The following FTO variants were observed in gnomAD, a reference collection of about 807,000 sequenced individuals.
FTO encodes alpha-ketoglutarate-dependent dioxygenase FTO.
In FTO, 47 loss-of-function variants were observed where a neutral mutation model predicts 63.9. The ratio of observed to expected loss-of-function variants is 0.74; its 90% CI spans 0.58 to 0.94. The LOEUF (loss-of-function observed/expected upper bound fraction) is 0.94. FTO is among the 40% of genes least tolerant of loss of function. The pLI is 0.00. For missense variants in FTO, 562 were observed against 618.1 expected, an observed-to-expected ratio of 0.91 and a Z score of 0.96; for synonymous variants, 207 against 224.4, an observed-to-expected ratio of 0.92 and a Z score of 0.69.
intron 1 of FTO, among the ~76,000 whole-genome samples, chr16:53,749,212 G>A (rs2076721358): frequency 6.6e-6 from 1 of 152,126 alleles, no homozygotes; most frequent in Non-Finnish European, 1.5e-5. Context: ...CAGTATTTTG[G>A]TGGAATTTGT....
At chr16:53,761,458 C>T (rs1259527710) in intron 1 of FTO, among the ~76,000 whole-genome samples, 1 of 152,114 alleles carries the variant, frequency 6.6e-6, no homozygotes, top group African/African-American at 2.4e-5. Flanking sequence ...GAGCCAAGTG[C>T]ATGTTTTGAA....
At chr16:54,011,313 C>G (rs1276412383) in intron 8 of FTO, among the ~76,000 whole-genome samples, 1 of 152,108 alleles carries the variant, frequency 6.6e-6, no homozygotes, top group South Asian at 2.1e-4. Context: ...CTTTCAGTTG[C>G]AAAGCATAGC....
rs559043867 is a variant in FTO, at chr16:54,037,874, T to A, written c.1365-73888T>A. ...ATATCAACTAGGCTTGTTAGAATAG[T>A]AGTATTACGTGTAACTTTAAATTTT... On this transcript the variant is annotated intron_variant, in intron 8 of 8. Coordinates refer to ENST00000471389, the MANE Select transcript of FTO (RefSeq NM_001080432.3). 5.3e-5 allele frequency among the ~76,000 whole-genome samples: 8 copies of A among 152,344 alleles called. No homozygotes were observed. The South Asian group carries it at 1.7e-3, about 32-fold the overall frequency.
chr16:53,979,396 TC>T (rs2083493163), intron 8 of FTO: 1 of 398,590 alleles, frequency 2.5e-6, no homozygotes. Flanking sequence ...TACAGATTCA[TC>T]AAGAGAGAAT....
chr16:54,063,455 TAC>T (rs1489721787), intron 8 of FTO, among the ~76,000 whole-genome samples: 11 of 152,338 alleles, frequency 7.2e-5, no homozygotes, highest in Non-Finnish European at 1.5e-4. Flanking sequence ...CGAACAGCGC[TAC>T]GTTTTACAGT....
intron 8 of FTO, among the ~76,000 whole-genome samples, chr16:53,985,420 C>G (rs547672659): frequency 6.6e-6 from 1 of 152,150 alleles, no homozygotes; most frequent in East Asian, 1.9e-4. Flanking sequence ...TTTGTAGATT[C>G]CTCAGCCAGG....
intron 8 of FTO, among the ~76,000 whole-genome samples, chr16:54,100,053 A>G (rs555512780): frequency 2.2e-4 from 33 of 152,318 alleles, no homozygotes; most frequent in African/African-American, 7.7e-4. Context: ...AGAGTCACCT[A>G]TGAAAATGAA....
chr16:53,907,882 C>G (rs1230915380), intron 7 of FTO, among the ~76,000 whole-genome samples: 1 of 152,182 alleles, frequency 6.6e-6, no homozygotes, highest in Non-Finnish European at 1.5e-5. Flanking sequence ...AGATCAGGTC[C>G]CTGCACTATA....
At chr16:53,811,409 A>G (rs1273564689) in intron 2 of FTO, among the ~76,000 whole-genome samples, 1 of 152,158 alleles carries the variant, frequency 6.6e-6, no homozygotes, top group Non-Finnish European at 1.5e-5. Context: ...GAGAGGAAGG[A>G]AGGACTTTAC....
chr16:54,053,620 T>C (rs1368519836), intron 8 of FTO, among the ~76,000 whole-genome samples: 1 of 152,164 alleles, frequency 6.6e-6, no homozygotes, highest in Admixed American at 6.5e-5. Context: ...GGGACTTCAA[T>C]TTTGTGACAG....
chr16:53,760,347 A>G (rs2077036262), intron 1 of FTO, among the ~76,000 whole-genome samples: 1 of 151,534 alleles, frequency 6.6e-6, no homozygotes, highest in South Asian at 2.1e-4. Context: ...TCTGAGGTTC[A>G]AAATCCTCCT....
chr16:53,774,444 CT>C (rs1304327316), intron 1 of FTO, among the ~76,000 whole-genome samples: 23 of 152,256 alleles, frequency 1.5e-4, no homozygotes, highest in African/African-American at 5.1e-4. Flanking sequence ...TTAATGTAGT[CT>C]GAGGGCTCAG....
intron 8 of FTO, among the ~76,000 whole-genome samples, chr16:54,102,781 A>C (rs1284691609): frequency 6.6e-6 from 1 of 152,202 alleles, no homozygotes; most frequent in Non-Finnish European, 1.5e-5. Flanking sequence ...GCAGGATGGC[A>C]TAGACCCACA....
At chr16:53,760,343 G>A (rs961786563) in intron 1 of FTO, among the ~76,000 whole-genome samples, 8 of 151,414 alleles carry the variant, frequency 5.3e-5, no homozygotes, top group Admixed American at 1.3e-4. Flanking sequence ...GACCTCTGAG[G>A]TTCAAAATCC....
chr16:53,795,959 A>C (rs2078055609), intron 1 of FTO, among the ~76,000 whole-genome samples: 1 of 152,210 alleles, frequency 6.6e-6, no homozygotes, highest in African/African-American at 2.4e-5. Context: ...CATCCATGGA[A>C]TCTCACCAGG....
intron 7 of FTO, among the ~76,000 whole-genome samples, chr16:53,926,735 G>A (rs1456419640): frequency 6.6e-6 from 1 of 152,116 alleles, no homozygotes; most frequent in Non-Finnish European, 1.5e-5. Context: ...ATAGCCATGT[G>A]TTTTTAGGGA....
chr16:53,720,014 T>C (rs1368998818), intron 1 of FTO, among the ~76,000 whole-genome samples: 1 of 152,072 alleles, frequency 6.6e-6, no homozygotes, highest in Non-Finnish European at 1.5e-5. Flanking sequence ...CCTAAATGAA[T>C]ACCCTGAATT....
At chr16:54,079,192 T>C (rs1474170065) in intron 8 of FTO, among the ~76,000 whole-genome samples, 1 of 152,206 alleles carries the variant, frequency 6.6e-6, no homozygotes, top group Non-Finnish European at 1.5e-5. Context: ...CTGTCAGATA[T>C]GCTAGGTACG....
At chr16:54,090,690 G>C (rs767678097) in intron 8 of FTO, among the ~76,000 whole-genome samples, 1 of 152,272 alleles carries the variant, frequency 6.6e-6, no homozygotes, top group African/African-American at 2.4e-5. Context: ...AAATCACCCC[G>C]AAATGTAGTG....
Sources: gnomAD v4.1 joint callset for allele counts (sites outside exome capture counted in the v4.1 genomes callset) on GRCh38, gnomAD v4.1.1 for gene constraint, MANE v1.5 for transcripts, NCBI Gene and HGNC (gene_info 2026-07-23, HGNC 2026-07-21) for gene names.